The following MID1 variants were observed in gnomAD, a reference collection of about 807,000 sequenced individuals.
MID1 encodes E3 ubiquitin-protein ligase Midline-1.
Under a neutral mutation model 40.4 loss-of-function variants are expected in MID1, and 7 were observed. The ratio of observed to expected loss-of-function variants is 0.17; its 90% CI spans 0.10 to 0.33. The LOEUF (loss-of-function observed/expected upper bound fraction) is 0.33, where lower values mean the gene tolerates loss of function less well. Ranked by LOEUF, MID1 falls within the 10% of genes least tolerant of loss-of-function variation. The pLI, the probability that MID1 is intolerant of heterozygous loss-of-function variation, is 1.00. For synonymous variants in MID1, 229 were observed against 221.2 expected (o/e 1.04, Z -0.31); for missense variants, 367 against 558.5 (o/e 0.66, Z 3.46).
chrX:10,768,663 C>T (rs980250317), intron 1 of MID1, among the ~76,000 whole-genome samples: 1 of 111,914 alleles, frequency 8.9e-6, no homozygotes, highest in African/African-American at 3.3e-5. Context: ...CCTCACTCTC[C>T]TCCTCACTTT....
At chrX:10,702,863 C>T (rs2043201294) in intron 1 of MID1, among the ~76,000 whole-genome samples, 1 of 111,923 alleles carries the variant, frequency 8.9e-6, no homozygotes, top group African/African-American at 3.3e-5. Context: ...TCTGATCCAG[C>T]AGGATTAGTT....
At chrX:10,510,830 C>CAAAAA (rs1185825614) in intron 3 of MID1, among the ~76,000 whole-genome samples, 105 of 23,854 alleles carry the variant, frequency 4.4e-3, no homozygotes, top group Non-Finnish European at 6.4e-3. Flanking sequence ...GACTCTGTCT[C>CAAAAA]AAAAAAAAAA....
intron 4 of MID1, among the ~76,000 whole-genome samples, chrX:10,489,416 GAAGTAT>G (rs1467795568): frequency 8.9e-6 from 1 of 111,995 alleles, no homozygotes; most frequent in Non-Finnish European, 1.9e-5. Context: ...TATATAATGT[GAAGTAT>G]GGATCAAACT....
rs1004448112 is a variant in MID1, at chrX:10,565,888, C to A, written c.660+1000G>T. Among the ~76,000 whole-genome samples the A allele has an allele frequency of 2.8e-5, 3 of 108,064 alleles. No individual in the cohort carries two copies. The Admixed American group carries it at 3.0e-4, about 11-fold the overall frequency. The allele number at this position is 108,064 out of a possible 115,157, so 93.8% of individuals were successfully genotyped here. ...GCAGTGGCGCGATCTTGGGTCACTG[C>A]AACATCCACCCCCCAGGGTCAAGTG... On this transcript the variant is annotated intron_variant, in intron 2 of 9. Transcript: ENST00000317552.
intron 1 of MID1, among the ~76,000 whole-genome samples, chrX:10,832,612 A>G (rs1022578376): frequency 8.9e-6 from 1 of 111,884 alleles, no homozygotes; most frequent in Admixed American, 9.5e-5. Context: ...TCAACTCAAA[A>G]AACCACATCA....
intron 1 of MID1, among the ~76,000 whole-genome samples, chrX:10,719,205 G>C (rs1331119885): frequency 1.8e-5 from 2 of 110,598 alleles, no homozygotes; most frequent in Non-Finnish European, 3.8e-5. Flanking sequence ...AGGGCAATCA[G>C]GCAGGAGAAG....
At chrX:10,618,879 T>A (rs1184254815) in intron 1 of MID1, among the ~76,000 whole-genome samples, 1 of 111,850 alleles carries the variant, frequency 8.9e-6, no homozygotes. Flanking sequence ...TCAAAAATGT[T>A]TTGCGTTCCT....
At chrX:10,814,598 T>C (rs2044123249) in intron 1 of MID1, among the ~76,000 whole-genome samples, 1 of 109,562 alleles carries the variant, frequency 9.1e-6, no homozygotes, top group African/African-American at 3.4e-5. Flanking sequence ...TGTGTGTGTG[T>C]GTGCGTGTGT....
intron 1 of MID1, among the ~76,000 whole-genome samples, chrX:10,822,405 C>T (rs1401777365): frequency 8.9e-6 from 1 of 111,777 alleles, no homozygotes; most frequent in African/African-American, 3.3e-5. Context: ...AAAATCTAGG[C>T]AATACCATTC....
At chrX:10,657,678 A>G (rs2042884008) in intron 1 of MID1, among the ~76,000 whole-genome samples, 1 of 112,306 alleles carries the variant, frequency 8.9e-6, no homozygotes, top group African/African-American at 3.2e-5. Flanking sequence ...ATTTTTTTGT[A>G]ATGTGTGACT....
rs1929604017 is a variant in MID1, at chrX:10,469,903, G to A, written c.1142-63C>T. 11 of 1,098,414 alleles carry A rather than the reference G, an allele frequency of 1.0e-5. No individual in the cohort carries two copies. The South Asian group carries it at 2.1e-4, about 21-fold the overall frequency. The allele number at this position is 1,098,414 out of a possible 1,213,427, so 90.5% of individuals were successfully genotyped here. The stretch of plus-strand genomic sequence containing the variant: ...ACACAACTGGGATACCATTTCAGAG[G>A]AGATGTTTGACAGTTAAGCAGGTCC... On this transcript the variant is annotated intron_variant, in intron 6 of 9. Coordinates refer to ENST00000317552, the MANE Select transcript of MID1 (RefSeq NM_000381.4).
intron 1 of MID1, among the ~76,000 whole-genome samples, chrX:10,735,164 G>A (rs2043479042): frequency 1.8e-5 from 2 of 112,026 alleles, no homozygotes; most frequent in African/African-American, 3.2e-5. Context: ...GTGCAATGGC[G>A]CAATCTCGGC....
chrX:10,622,205 T>A (rs1217519202), upstream of MID1, among the ~76,000 whole-genome samples: 1 of 110,273 alleles, frequency 9.1e-6, no homozygotes, highest in Non-Finnish European at 1.9e-5. Context: ...TGAGAAATAT[T>A]GCGTCTATCC....
intron 1 of MID1, among the ~76,000 whole-genome samples, chrX:10,755,338 A>AT (rs771925958): frequency 4.3e-4 from 47 of 109,509 alleles, no homozygotes; most frequent in East Asian, 2.0e-3. Flanking sequence ...CCGTATATAG[A>AT]TTTTTTTTTT....
intron 1 of MID1, among the ~76,000 whole-genome samples, chrX:10,626,663 C>T (rs1168998981): frequency 9.0e-6 from 1 of 111,628 alleles, no homozygotes; most frequent in Non-Finnish European, 1.9e-5. Flanking sequence ...GTAACAATGA[C>T]GAGGACAGAA....
intron 1 of MID1, among the ~76,000 whole-genome samples, chrX:10,595,167 C>G (rs970601265): frequency 9.0e-6 from 1 of 111,437 alleles, no homozygotes; most frequent in Admixed American, 9.5e-5. Context: ...ATGGCAGAGA[C>G]CAGTTTAGAA....
chrX:10,679,032 A>T (rs1018115967), intron 1 of MID1, among the ~76,000 whole-genome samples: 1 of 111,699 alleles, frequency 9.0e-6, no homozygotes, highest in Non-Finnish European at 1.9e-5. Context: ...TCCCACTTCT[A>T]GGCACCTATT....
intron 1 of MID1, among the ~76,000 whole-genome samples, chrX:10,664,699 C>A (rs999157815): frequency 8.9e-6 from 1 of 111,880 alleles, no homozygotes; most frequent in African/African-American, 3.3e-5. Context: ...GTGACTGCAC[C>A]ATATTTCATT....
Position 10,459,807 on chromosome X carries a change from C to T in MID1, c.1286G>A (p.Ser429Asn), listed in dbSNP as rs768937441. The change falls in exon 8 of 10, where the codon AGT (serine) becomes AAT (asparagine). Residue 429 changes from serine to asparagine, a missense_variant and splice_region_variant. This residue lies in a region of MID1 where 275 missense variants were observed against 383.1 expected (regional missense o/e 0.72). Coordinates refer to ENST00000317552, the MANE Select transcript of MID1 (RefSeq NM_000381.4). The part of the protein sequence containing the change: ...TIFTGQANVV[S>N]LCNSADSWMI... ...CCAGCTATCAGCCGAATTACACAGACCTGCAAAGCCAATCAGACATGGTGC... is the reference window on the plus strand; with the variant it reads ...CCAGCTATCAGCCGAATTACACAGATCTGCAAAGCCAATCAGACATGGTGC... 8.3e-7 allele frequency: 1 copy of T among 1,207,433 alleles called. No individual in the cohort carries two copies. The highest frequency in any genetic ancestry group is 2.2e-5 in the Admixed American group (1 of 46,009).
Sources: gnomAD v4.1 joint callset for allele counts (sites outside exome capture counted in the v4.1 genomes callset) on GRCh38, gnomAD v4.1.1 for gene constraint, gnomAD v4.1.1 regional missense constraint, MANE v1.5 for transcripts, NCBI Gene and HGNC (gene_info 2026-07-23, HGNC 2026-07-21) for gene names.